MAML3: variants seen among roughly 807,000 people sequenced by gnomAD.
MAML3 encodes mastermind-like protein 3.
MAML3 carries 27 observed loss-of-function variants against 101.9 expected under a neutral mutation model. The observed-to-expected ratio is 0.27, with a 90% CI of 0.20 to 0.37. The LOEUF (loss-of-function observed/expected upper bound fraction) is 0.37. Ranked by LOEUF, MAML3 falls within the 10% of genes least tolerant of loss-of-function variation. The pLI, the probability that MAML3 is intolerant of heterozygous loss-of-function variation, is 1.00. For synonymous variants in MAML3, 501 were observed against 555.9 expected (o/e 0.90, Z 1.39); for missense variants, 1,316 against 1,444.9 (o/e 0.91, Z 1.45).
intron 2 of MAML3, among the ~76,000 whole-genome samples, chr4:139,819,993 T>C (rs937951043): frequency 3.9e-5 from 6 of 152,224 alleles, no homozygotes; most frequent in Non-Finnish European, 8.8e-5. Flanking sequence ...AGCACTCCAA[T>C]ACCCTACCTC....
chr4:140,019,853 G>A (rs1726704516), intron 1 of MAML3, among the ~76,000 whole-genome samples: 1 of 152,184 alleles, frequency 6.6e-6, no homozygotes, highest in African/African-American at 2.4e-5. Context: ...TAGGTAGGTT[G>A]ACCTGACTGC....
chr4:139,778,982 C>CAAA (rs67782985), intron 2 of MAML3, among the ~76,000 whole-genome samples: 8,509 of 100,334 alleles, frequency 0.085, 329 homozygotes, highest in Admixed American at 0.16. Context: ...GACTCCACCT[C>CAAA]AAAAAAAAAA....
intron 2 of MAML3, among the ~76,000 whole-genome samples, chr4:139,856,562 C>T (rs1204278693): frequency 6.6e-6 from 1 of 152,206 alleles, no homozygotes; most frequent in Non-Finnish European, 1.5e-5. Flanking sequence ...CATCCTGATA[C>T]GTTGTACTCA....
intron 2 of MAML3, among the ~76,000 whole-genome samples, chr4:139,862,392 T>C (rs1001634249): frequency 6.6e-6 from 1 of 152,190 alleles, no homozygotes; most frequent in Non-Finnish European, 1.5e-5. Flanking sequence ...ATTCTGACTT[T>C]CTTATCTCTC....
intron 1 of MAML3, among the ~76,000 whole-genome samples, chr4:139,935,642 TG>T (rs988269917): frequency 2.3e-5 from 3 of 130,420 alleles, no homozygotes; most frequent in African/African-American, 6.8e-5. Flanking sequence ...AGGGTTTTTT[TG>T]TTTTTTTTTT....
chr4:140,054,778 G>A (rs1248318533), intron 1 of MAML3, among the ~76,000 whole-genome samples: 1 of 152,060 alleles, frequency 6.6e-6, no homozygotes, highest in African/African-American at 2.4e-5. Context: ...AATCTTCAGT[G>A]GCCTCCAAGG....
chr4:139,787,599 TTA>T (rs1249467178), intron 2 of MAML3, among the ~76,000 whole-genome samples: 2 of 152,218 alleles, frequency 1.3e-5, no homozygotes, highest in Non-Finnish European at 2.9e-5. Flanking sequence ...CACTAATGTT[TTA>T]TATGTTATCT....
intron 2 of MAML3, among the ~76,000 whole-genome samples, chr4:139,874,192 A>T (rs1390143805): frequency 6.6e-6 from 1 of 152,164 alleles, no homozygotes; most frequent in Non-Finnish European, 1.5e-5. Context: ...AAGGCCTCAA[A>T]GAGTCTAACA....
chr4:139,725,669 G>A (rs1025331385), intron 4 of MAML3, 82 bp downstream of exon 4: 1 of 1,355,034 alleles, frequency 7.4e-7, no homozygotes, highest in African/African-American at 1.4e-5. Flanking sequence ...AATACAGCCA[G>A]TAAGGCAATG....
chr4:140,034,767 GC>G (rs1372798238), intron 1 of MAML3, among the ~76,000 whole-genome samples: 5 of 152,140 alleles, frequency 3.3e-5, no homozygotes, highest in Non-Finnish European at 7.4e-5. Flanking sequence ...AACAAAGAGG[GC>G]ATTGCTATTA....
intron 2 of MAML3, among the ~76,000 whole-genome samples, chr4:139,825,626 C>T (rs1368148961): frequency 1.3e-5 from 2 of 152,190 alleles, no homozygotes; most frequent in African/African-American, 4.8e-5. Context: ...AGGCACGGAG[C>T]ACAGGCCAGT....
intron 2 of MAML3, among the ~76,000 whole-genome samples, chr4:139,783,836 A>G (rs1207100882): frequency 2.0e-5 from 3 of 152,196 alleles, no homozygotes; most frequent in Non-Finnish European, 4.4e-5. Flanking sequence ...TTGGATGCAC[A>G]TTCATCTTCA....
chr4:139,901,135 C>A (rs1242154560), intron 1 of MAML3, among the ~76,000 whole-genome samples: 1 of 152,254 alleles, frequency 6.6e-6, no homozygotes, highest in Non-Finnish European at 1.5e-5. Context: ...GTGTTCATGT[C>A]TTTGAGTCAG....
Position 140,017,980 on chromosome 4 carries a change from T to C in MAML3, c.469-127013A>G, listed in dbSNP as rs369430024. On this transcript the variant is annotated intron_variant, in intron 1 of 4. Coordinates refer to ENST00000509479, the MANE Select transcript of MAML3 (RefSeq NM_018717.5). Reference sequence around the variant, plus strand: ...ATCATGCCTTACAACTGCATGTGAATCTAGTTATCTCAAAATAAAAAGGTT... The same window carrying C: ...ATCATGCCTTACAACTGCATGTGAACCTAGTTATCTCAAAATAAAAAGGTT... Among the ~76,000 whole-genome samples, 15 of 152,012 alleles carry C rather than the reference T, an allele frequency of 9.9e-5. 1 individual carries two copies. In the South Asian group the frequency reaches 3.1e-3, roughly 32 times the overall value.
At chr4:140,140,495 G>A (rs1208166884) in intron 1 of MAML3, among the ~76,000 whole-genome samples, 2 of 152,056 alleles carry the variant, frequency 1.3e-5, no homozygotes, top group Non-Finnish European at 2.9e-5. Context: ...GAATGAGGAA[G>A]CCCCCTTTCC....
At chr4:140,141,406 T>C (rs1384173481) in intron 1 of MAML3, among the ~76,000 whole-genome samples, 1 of 152,218 alleles carries the variant, frequency 6.6e-6, no homozygotes, top group Non-Finnish European at 1.5e-5. Flanking sequence ...GTCAGGGTAA[T>C]TTAACCTGTA....
rs541987443 is a variant in MAML3, at chr4:140,026,194, ATG to A, written c.468+126664_468+126665del. On this transcript the variant is annotated intron_variant, in intron 1 of 4. Transcript: ENST00000509479. ...ATTAGAGGCTCATCAAAACATATAT[ATG>A]TGTGTGTGTGTGTCTGTGTGCATAT... Among the ~76,000 whole-genome samples the A allele has an allele frequency of 1.5e-4, 23 of 151,974 alleles. 1 individual carries two copies. The highest frequency in any genetic ancestry group is 7.7e-4 in the East Asian group (4 of 5,168).
chr4:139,800,158 GA>G (rs1730579362), intron 2 of MAML3, among the ~76,000 whole-genome samples: 1 of 151,856 alleles, frequency 6.6e-6, no homozygotes, highest in East Asian at 1.9e-4. Context: ...CTCATACTTA[GA>G]AAAAAATGTT....
intron 3 of MAML3, among the ~76,000 whole-genome samples, chr4:139,727,990 C>A (rs1180730320): frequency 1.3e-5 from 2 of 152,142 alleles, no homozygotes; most frequent in Non-Finnish European, 2.9e-5. Context: ...CCGAGGCAGG[C>A]AGATTGCTTG....
Sources: allele counts gnomAD v4.1 joint callset (sites outside exome capture counted in the v4.1 genomes callset), GRCh38; gene constraint gnomAD v4.1.1; transcripts MANE v1.5; gene names NCBI Gene and HGNC (gene_info 2026-07-23, HGNC 2026-07-21).